The following TENM3 variants were observed in gnomAD, a reference collection of about 807,000 sequenced individuals.
TENM3 encodes teneurin transmembrane protein 3.
TENM3 carries 63 observed loss-of-function variants against 255.1 expected under a neutral mutation model. The observed-to-expected ratio is 0.25, with a 90% CI of 0.20 to 0.30. The LOEUF (loss-of-function observed/expected upper bound fraction) is 0.30, where lower values mean the gene tolerates loss of function less well. Ranked by LOEUF, TENM3 falls within the 10% of genes least tolerant of loss-of-function variation. TENM3 has a pLI of 1.00. For synonymous variants in TENM3, 1,306 were observed against 1,322.3 expected, an observed-to-expected ratio of 0.99 and a Z score of 0.27; for missense variants, 2,929 against 3,461.1, an observed-to-expected ratio of 0.85 and a Z score of 3.86.
At chr4:182,345,951 T>G (rs984303238) in intron 2 of TENM3, among the ~76,000 whole-genome samples, 31 of 152,110 alleles carry the variant, frequency 2.0e-4, no homozygotes, top group Non-Finnish European at 4.1e-4. Flanking sequence ...TGTTTTCAGG[T>G]GTGTAGTAAA....
intron 16 of TENM3, among the ~76,000 whole-genome samples, chr4:182,733,426 A>C (rs1348484225): frequency 2.1e-5 from 3 of 146,090 alleles, no homozygotes; most frequent in African/African-American, 7.5e-5. Context: ...AATATCCTAT[A>C]TTGGGCAAGG....
At position 182,603,784 on chromosome 4, in the gene TENM3, T is replaced by TATATATATATATAC. The variant is rs58332965; in HGVS notation, c.749+2624_749+2625insTATATATATATACA. Among the ~76,000 whole-genome samples the TATATATATATATAC allele has an allele frequency of 1.5e-3, 208 of 134,196 alleles. 3 individuals carry two copies. Among genetic ancestry groups the TATATATATATATAC allele is most frequent in the African/African-American group, 5.2e-3 (191 of 36,458 alleles). 88.0% of individuals were successfully genotyped at this position (134,196 alleles called of 152,430 possible). ...AATTATTTATATATATATATATATA[T>TATATATATATATAC]ACACACACACACCGATTTTGCTAAT... On this transcript the variant is annotated intron_variant, in intron 4 of 27. Transcript: ENST00000511685.
chr4:182,342,579 T>C (rs142139645), intron 2 of TENM3, among the ~76,000 whole-genome samples: 2,358 of 152,246 alleles, frequency 0.015, 22 homozygotes, highest in Middle Eastern at 0.041. Context: ...CTGAATATAC[T>C]GAAAACCATT....
intron 1 of TENM3, among the ~76,000 whole-genome samples, chr4:182,300,264 G>A (rs1279708414): frequency 1.4e-5 from 2 of 142,578 alleles, no homozygotes; most frequent in Non-Finnish European, 3.1e-5. Flanking sequence ...AGAAGCAAGG[G>A]AAGAAGAAGG....
At chr4:181,511,530 G>T in the TENM3 span, among the ~76,000 whole-genome samples, 1 of 152,158 alleles carries the variant, frequency 6.6e-6, no homozygotes, top group Admixed American at 6.5e-5. Context: ...TTCACAGGCT[G>T]CCCTCTAAAA....
At chr4:182,355,153 A>G (rs1765434386) in intron 3 of TENM3, among the ~76,000 whole-genome samples, 1 of 152,192 alleles carries the variant, frequency 6.6e-6, no homozygotes, top group African/African-American at 2.4e-5. Context: ...TGTTTCACAA[A>G]GAAGGAAGGA....
At chr4:181,916,705 C>T in the TENM3 span, among the ~76,000 whole-genome samples, 27 of 152,052 alleles carry the variant, frequency 1.8e-4, no homozygotes, top group Admixed American at 1.2e-3. Context: ...GGTGAAACCC[C>T]GTCTCTACTA....
intron 1 of TENM3, among the ~76,000 whole-genome samples, chr4:182,209,724 C>T (rs564716903): frequency 1.1e-4 from 16 of 151,934 alleles, no homozygotes; most frequent in Non-Finnish European, 1.9e-4. Flanking sequence ...CTGAATAGGA[C>T]CTTGCCTGGG....
chr4:182,229,484 A>G (rs1478117184), intron 1 of TENM3, among the ~76,000 whole-genome samples: 1 of 152,150 alleles, frequency 6.6e-6, no homozygotes, highest in Non-Finnish European at 1.5e-5. Context: ...GGGACTTTGT[A>G]TTTGTAAAAA....
intron 1 of TENM3, among the ~76,000 whole-genome samples, chr4:182,210,425 T>C (rs1028361562): frequency 3.5e-4 from 53 of 152,192 alleles, no homozygotes; most frequent in African/African-American, 1.3e-3. Flanking sequence ...CTTCTCTCAC[T>C]TTCTGTCCAG....
At chr4:181,606,869 ACTCGGTTCAC>A in the TENM3 span, among the ~76,000 whole-genome samples, 52 of 151,982 alleles carry the variant, frequency 3.4e-4, no homozygotes, top group East Asian at 9.3e-3. Flanking sequence ...GAGTTGCAAG[ACTCGGTTCAC>A]CAGCCCAGGG....
chr4:181,470,879 T>C, the TENM3 span, among the ~76,000 whole-genome samples: 3 of 152,208 alleles, frequency 2.0e-5, no homozygotes, highest in African/African-American at 7.2e-5. Context: ...ATACCAGTAA[T>C]TTAACATCCT....
intron 20 of TENM3, among the ~76,000 whole-genome samples, chr4:182,752,942 ATTT>A (rs750171665): frequency 1.6e-5 from 2 of 121,712 alleles, no homozygotes. Flanking sequence ...TCCTTACTGA[ATTT>A]TTTTTTTTTT....
intron 1 of TENM3, among the ~76,000 whole-genome samples, chr4:182,218,309 G>T (rs905666914): frequency 6.6e-6 from 1 of 152,122 alleles, no homozygotes; most frequent in Non-Finnish European, 1.5e-5. Context: ...CTTGGTCTCT[G>T]GTGAATCCCG....
At chr4:182,002,148 A>T in the TENM3 span, among the ~76,000 whole-genome samples, 1 of 152,132 alleles carries the variant, frequency 6.6e-6, no homozygotes, top group Admixed American at 6.6e-5. Context: ...CCTCAATCCC[A>T]TTTATATTAG....
chr4:182,194,474 T>A (rs573416465), intron 1 of TENM3, among the ~76,000 whole-genome samples: 56 of 152,282 alleles, frequency 3.7e-4, no homozygotes, highest in Middle Eastern at 3.4e-3. Flanking sequence ...CCAGCACGCT[T>A]TTAGTTTACC....
chr4:182,512,003 A>G (rs1338275679), intron 3 of TENM3, among the ~76,000 whole-genome samples: 2 of 152,206 alleles, frequency 1.3e-5, no homozygotes, highest in African/African-American at 4.8e-5. Flanking sequence ...TGTAAGTAGC[A>G]AAAGAAGACT....
At chr4:181,581,567 C>A in the TENM3 span, among the ~76,000 whole-genome samples, 618 of 152,252 alleles carry the variant, frequency 4.1e-3, 7 homozygotes, top group African/African-American at 0.014. Flanking sequence ...GAAGACCAAA[C>A]TTTTCCCCCT....
In TENM3 at chr4:182,154,296, C is replaced by T. The variant is rs935931959; in HGVS notation, c.-76+9542C>T. On this transcript the variant is annotated intron_variant, in intron 1 of 2. Transcript: ENST00000512480. ...TATTACTTTTAAAAGAATAGCCCAT[C>T]GGGGATAGGAAGCTTTGTGGATAAG... Among the ~76,000 whole-genome samples the T allele has an allele frequency of 7.9e-5, 12 of 151,978 alleles. No homozygotes were observed. In the East Asian group the frequency reaches 2.1e-3, roughly 27 times the overall value.
Sources: allele counts gnomAD v4.1 joint callset (sites outside exome capture counted in the v4.1 genomes callset), GRCh38; gene constraint gnomAD v4.1.1; transcripts MANE v1.5; gene names NCBI Gene and HGNC (gene_info 2026-07-23, HGNC 2026-07-21).